The following GPR155 variants were observed in gnomAD, a reference collection of about 807,000 sequenced individuals.
GPR155 encodes the protein G protein-coupled receptor 155.
A neutral mutation model predicts 93.1 loss-of-function variants in GPR155; 65 were observed. The ratio of observed to expected loss-of-function variants is 0.70; its 90% CI spans 0.57 to 0.86. The LOEUF is 0.86. Among genes scored for constraint, GPR155 ranks in the 40% least tolerant of loss-of-function variants. The pLI is 0.00. For synonymous variants in GPR155, 319 were observed against 360.1 expected, an observed-to-expected ratio of 0.89 and a Z score of 1.29; for missense variants, 838 against 1,034.8, an observed-to-expected ratio of 0.81 and a Z score of 2.61.
intron 5 of GPR155, among the ~76,000 whole-genome samples, chr2:174,467,163 C>G (rs998934194): frequency 6.7e-6 from 1 of 150,116 alleles, no homozygotes; most frequent in African/African-American, 2.5e-5. Flanking sequence ...TCTCAAAAAA[C>G]AAAACAAAAC....
chr2:174,482,673 G>A (rs369773988), intron 1 of GPR155, among the ~76,000 whole-genome samples: 5 of 152,184 alleles, frequency 3.3e-5, no homozygotes, highest in East Asian at 3.9e-4. Flanking sequence ...CACCACGCCC[G>A]GCTAATTTTT....
chr2:174,440,448 G>A (rs1035638081), intron 14 of GPR155, among the ~76,000 whole-genome samples: 5 of 151,226 alleles, frequency 3.3e-5, no homozygotes, highest in Non-Finnish European at 5.9e-5. Context: ...CCAAAAACTC[G>A]TACTCCAAAA....
intron 2 of GPR155, 29 bp from the exon 3 acceptor site, chr2:174,473,393 T>C (rs373699649): frequency 2.1e-4 from 294 of 1,395,748 alleles, no homozygotes; most frequent in Non-Finnish European, 2.9e-4. Context: ...GATTTTTAAA[T>C]GATGACCACA....
intron 1 of GPR155, among the ~76,000 whole-genome samples, chr2:174,485,620 A>G (rs967074305): frequency 1.2e-4 from 18 of 151,694 alleles, no homozygotes; most frequent in African/African-American, 4.1e-4. Flanking sequence ...AAAAAAAGCA[A>G]TCTGCCCCTC....
intron 12 of GPR155, 138 bp from the exon 13 acceptor site, chr2:174,445,314 G>A (rs1411342799): frequency 3.4e-6 from 2 of 592,864 alleles, no homozygotes; most frequent in Non-Finnish European, 5.9e-6. Context: ...AGAGAATATA[G>A]AGGCTTTATC....
At chr2:174,454,731 GGGAAGGAAGGAAAA>G (rs1687445199) in intron 10 of GPR155, among the ~76,000 whole-genome samples, 1 of 121,474 alleles carries the variant, frequency 8.2e-6, no homozygotes, top group East Asian at 2.1e-4. Flanking sequence ...AGAAAGGGAA[GGGAAGGAAGGAAAA>G]GGAAGGAAGG....
intron 10 of GPR155, among the ~76,000 whole-genome samples, chr2:174,454,139 C>T (rs11890753): frequency 0.75 from 113,358 of 151,802 alleles, 43,452 homozygotes; most frequent in Middle Eastern, 0.84. Context: ...TTGTTTTGTT[C>T]TGTTTTTTTG....
Position 174,481,748 on chromosome 2 carries a change from G to T in GPR155, c.209C>A (p.Ala70Asp), listed in dbSNP as rs771282774. ...GRANVITSTQ[A>D]KGLGNFVSRF... Reference sequence around the variant, plus strand: ...GGAGACAAAATTTCCTAGTCCTTTGGCCTGGGTTGATGTTATGACATTGGC... The same window carrying T: ...GGAGACAAAATTTCCTAGTCCTTTGTCCTGGGTTGATGTTATGACATTGGC... The change falls in exon 2 of 16, where the codon GCC becomes GAC. Residue 70 changes from alanine to aspartate, a missense_variant. Transcript: ENST00000392552. 6.2e-7 allele frequency: 1 copy of T among 1,614,098 alleles called. No individual in the cohort carries two copies. The highest frequency in any genetic ancestry group is 8.5e-7 in the Non-Finnish European group (1 of 1,179,948).
chr2:174,438,179 G>A (rs376579275), intron 15 of GPR155, among the ~76,000 whole-genome samples: 74 of 152,148 alleles, frequency 4.9e-4, no homozygotes, highest in African/African-American at 1.7e-3. Flanking sequence ...GATTGGGGCT[G>A]CAGTGAGATT....
intron 10 of GPR155, among the ~76,000 whole-genome samples, chr2:174,454,855 G>GGAAGGAAGGGAAAGGAAGGAAGA (rs1360018186): frequency 7.3e-6 from 1 of 137,322 alleles, no homozygotes; most frequent in South Asian, 2.4e-4. Context: ...AGGAAGGAAG[G>GGAAGGAAGGGAAAGGAAGGAAGA]GAAGGAAGGG....
rs767598589 is a variant in GPR155, at chr2:174,433,048, C to T, written c.*3068G>A. Reference sequence around the variant, plus strand: ...AAAGTGCTGGGATTGCAGGTATGAACCACCGCGCCTGGCCCCCATGCAGGT... The same window carrying T: ...AAAGTGCTGGGATTGCAGGTATGAATCACCGCGCCTGGCCCCCATGCAGGT... On this transcript the variant is annotated 3_prime_UTR_variant, in exon 16 of 16. Transcript: ENST00000392552. 1 of 151,516 alleles carries T rather than the reference C, an allele frequency of 6.6e-6. No homozygotes were observed. The highest frequency in any genetic ancestry group is 1.5e-5 in the Non-Finnish European group (1 of 67,950). 9.4% of individuals were successfully genotyped at this position (151,516 alleles called of 1,614,324 possible).
In GPR155 at chr2:174,444,621, T is replaced by C. The variant is rs117215143; in HGVS notation, c.2109+460A>G. ...GATTCTTGTGCCTCAGCCTCTGCAGTAGCTTGGATTATCGGCATGGACTAC... is the reference window on the plus strand; with the variant it reads ...GATTCTTGTGCCTCAGCCTCTGCAGCAGCTTGGATTATCGGCATGGACTAC... On this transcript the variant is annotated intron_variant, in intron 13 of 15. Transcript: ENST00000392552. 0.016 allele frequency among the ~76,000 whole-genome samples: 2,430 copies of C among 151,582 alleles called. 100 individuals carry two copies. In the East Asian group the frequency reaches 0.17, roughly 10 times the overall value.
rs186206667 is a variant in GPR155 at position 174,437,670 on chromosome 2, C to T, written c.2313-1254G>A. ...CGATCTCAGCTTACCCCACAACCTC[C>T]GTCTCCTGGGTTCAAGTGATTCTCT... On this transcript the variant is annotated intron_variant, in intron 15 of 15. Transcript: ENST00000392552. 1.7e-4 allele frequency among the ~76,000 whole-genome samples: 26 copies of T among 150,714 alleles called. No homozygotes were observed. The East Asian group carries it at 4.6e-3, about 27-fold the overall frequency.
intron 10 of GPR155, among the ~76,000 whole-genome samples, chr2:174,454,543 T>G (rs1454603766): frequency 6.6e-6 from 1 of 151,910 alleles, no homozygotes; most frequent in African/African-American, 2.4e-5. Flanking sequence ...ATAGTACAGC[T>G]TCTTGGGAGG....
At chr2:174,463,623 C>T (rs893733104) in intron 7 of GPR155, among the ~76,000 whole-genome samples, 14 of 152,132 alleles carry the variant, frequency 9.2e-5, no homozygotes, top group Non-Finnish European at 4.4e-5. Flanking sequence ...AAGGTCAAAA[C>T]CCCACATATG....
At chr2:174,439,452 A>G (rs996610640) in intron 15 of GPR155, among the ~76,000 whole-genome samples, 1 of 152,206 alleles carries the variant, frequency 6.6e-6, no homozygotes, top group Non-Finnish European at 1.5e-5. Context: ...CTTGAAGTGA[A>G]ACATAAGCAA....
chr2:174,482,708 T>C (rs912508018), intron 1 of GPR155, among the ~76,000 whole-genome samples: 3 of 152,126 alleles, frequency 2.0e-5, no homozygotes, highest in Non-Finnish European at 2.9e-5. Flanking sequence ...ACATGTTGCT[T>C]AGGCTGGTTT....
intron 3 of GPR155, 121 bp from the exon 4 acceptor site, chr2:174,470,676 C>T: frequency 1.4e-6 from 1 of 728,650 alleles, no homozygotes; most frequent in Non-Finnish European, 2.2e-6. Context: ...TATTTGCATG[C>T]ACATATTCTG....
intron 15 of GPR155, among the ~76,000 whole-genome samples, chr2:174,438,593 C>A (rs1200274429): frequency 6.6e-6 from 1 of 152,164 alleles, no homozygotes; most frequent in Non-Finnish European, 1.5e-5. Context: ...TTGCAACCTC[C>A]ACCTCCCGGG....
Sources: gnomAD v4.1 joint callset for allele counts (sites outside exome capture counted in the v4.1 genomes callset) on GRCh38, gnomAD v4.1.1 for gene constraint, MANE v1.5 for transcripts, NCBI Gene and HGNC (gene_info 2026-07-23, HGNC 2026-07-21) for gene names.